BAZ2B: variants seen among roughly 807,000 people sequenced by gnomAD.
BAZ2B encodes bromodomain adjacent to zinc finger domain protein 2B.
In BAZ2B, 91 loss-of-function variants were observed where a neutral mutation model predicts 246.0. The observed-to-expected ratio is 0.37, with a 90% CI of 0.31 to 0.44. BAZ2B has a LOEUF of 0.44. Ranked by LOEUF, BAZ2B falls within the 20% of genes least tolerant of loss-of-function variation. BAZ2B has a pLI of 1.00. For synonymous variants in BAZ2B, 855 were observed against 860.0 expected, an observed-to-expected ratio of 0.99 and a Z score of 0.10; for missense variants, 2,332 against 2,533.7, an observed-to-expected ratio of 0.92 and a Z score of 1.71.
rs775570448 is a variant in BAZ2B at position 159,332,736 on chromosome 2, A to T, written c.5797-50T>A. 7 of 1,588,456 alleles carry T rather than the reference A, an allele frequency of 4.4e-6. No homozygotes were observed. The East Asian group carries it at 1.6e-4, about 36-fold the overall frequency. ...AAATTAACGCTCTGCCATGAATAAT[A>T]GTTATTGGGATGTTAAACACACCAT... is the stretch of plus-strand genomic sequence containing the variant. On this transcript the variant is annotated intron_variant, in intron 33 of 36. Transcript: ENST00000392783.
chr2:159,580,175 G>A (rs1221318938), intron 1 of BAZ2B, among the ~76,000 whole-genome samples: 5 of 152,238 alleles, frequency 3.3e-5, no homozygotes, highest in South Asian at 2.1e-4. Flanking sequence ...AAACCCCATC[G>A]TCTCAGCCCA....
chr2:159,410,333 C>T (rs1425804789), intron 14 of BAZ2B, among the ~76,000 whole-genome samples: 3 of 152,152 alleles, frequency 2.0e-5, no homozygotes, highest in Non-Finnish European at 4.4e-5. Flanking sequence ...GCTCTGTGTT[C>T]GTACCCAAAT....
the BAZ2B span, among the ~76,000 whole-genome samples, chr2:159,704,107 C>G: frequency 6.6e-6 from 1 of 152,130 alleles, no homozygotes; most frequent in African/African-American, 2.4e-5. Flanking sequence ...TGCTTGCTGT[C>G]AAGAGCACTG....
chr2:159,511,396 G>C (rs188333945), intron 2 of BAZ2B, among the ~76,000 whole-genome samples: 178 of 152,168 alleles, frequency 1.2e-3, no homozygotes, highest in Non-Finnish European at 1.9e-3. Context: ...AGTAGAGATG[G>C]GGTTTCATCA....
chr2:159,560,023 A>G (rs2089665548), intron 1 of BAZ2B, among the ~76,000 whole-genome samples: 1 of 152,160 alleles, frequency 6.6e-6, no homozygotes, highest in Admixed American at 6.5e-5. Context: ...ATGCAATCCT[A>G]TGAGTATTTT....
At chr2:159,441,989 A>G (rs2216543) in intron 6 of BAZ2B, among the ~76,000 whole-genome samples, 68,818 of 152,094 alleles carry the variant, frequency 0.45, 17,134 homozygotes, top group Middle Eastern at 0.59. Flanking sequence ...ATAGTTGCTC[A>G]AGTCTCTGGG....
At chr2:159,681,198 T>C in the BAZ2B span, among the ~76,000 whole-genome samples, 1 of 151,968 alleles carries the variant, frequency 6.6e-6, no homozygotes, top group Admixed American at 6.6e-5. Context: ...TAAGAGAAAA[T>C]TACCGTAAGA....
Position 159,432,788 on chromosome 2 carries a change from A to G in BAZ2B, c.1869T>C (p.Asp623=), listed in dbSNP as rs758817925. 1 of 1,613,180 alleles carries G rather than the reference A, an allele frequency of 6.2e-7. No individual in the cohort carries two copies. Among genetic ancestry groups the G allele is most frequent in the South Asian group, 1.1e-5 (1 of 91,056 alleles). The change falls in exon 9 of 37, where the codon GAT becomes GAC. Residue 623 remains aspartate (D), a synonymous_variant. Transcript: ENST00000392783. The stretch of plus-strand genomic sequence containing the variant: ...GGCTGTCATCAGATTCATCATCTTC[A>G]TCATCTTCCTCATCTTCTTCTTCAT... ...EDDEEEDEED[D]EDDESDDSQS...
intron 2 of BAZ2B, among the ~76,000 whole-genome samples, chr2:159,491,091 A>G (rs906662628): frequency 6.6e-6 from 1 of 152,104 alleles, no homozygotes; most frequent in Non-Finnish European, 1.5e-5. Context: ...TACCTGTTTA[A>G]TATGTCTGAG....
At chr2:159,315,839 G>A (rs930515005), downstream of BAZ2B, among the ~76,000 whole-genome samples, 1 of 152,130 alleles carries the variant, frequency 6.6e-6, no homozygotes, top group Admixed American at 6.5e-5. Flanking sequence ...CAGTGACAAT[G>A]AGTTGCAGGC....
chr2:159,390,989 T>A (rs111403611), intron 20 of BAZ2B, among the ~76,000 whole-genome samples: 2,101 of 152,250 alleles, frequency 0.014, 25 homozygotes, highest in Middle Eastern at 0.027. Context: ...GTTAATAGCC[T>A]GAAGTACTAT....
intron 13 of BAZ2B, among the ~76,000 whole-genome samples, chr2:159,421,709 T>A (rs946097910): frequency 1.3e-5 from 2 of 152,028 alleles, no homozygotes; most frequent in Non-Finnish European, 2.9e-5. Flanking sequence ...CCCAGAAATA[T>A]CTTGAATCAA....
the BAZ2B span, among the ~76,000 whole-genome samples, chr2:159,645,662 C>T: frequency 4.6e-5 from 7 of 152,116 alleles, no homozygotes; most frequent in South Asian, 2.1e-4. Context: ...CCGATAGTCA[C>T]GTAGGTTCTT....
chr2:159,395,787 T>C lies in BAZ2B; in HGVS notation c.3057A>G (p.Glu1019=), dbSNP rs1453280467. ...CACTTACTTCTGCTTTTTTACGAGC[T>C]TCCATAGCTTTCATAAGCATCATGT... The part of the protein sequence containing the change: ...RQHMMLMKAM[E]ARKKAEEKER... Residue 1019 remains glutamate, a synonymous_variant, in exon 20 of 37, where the codon GAA becomes GAG. Transcript: ENST00000392783. The C allele has an allele frequency of 3.1e-6, 5 of 1,611,068 alleles. No homozygotes were observed. The Middle Eastern group carries it at 6.6e-4, about 212-fold the overall frequency.
chr2:159,578,019 CA>C (rs1309687560), intron 1 of BAZ2B, among the ~76,000 whole-genome samples: 2 of 152,058 alleles, frequency 1.3e-5, no homozygotes, highest in African/African-American at 4.8e-5. Context: ...CACCTGCTGA[CA>C]AAAAGAAAAA....
chr2:159,605,911 G>A (rs1047606837), intron 1 of BAZ2B, among the ~76,000 whole-genome samples: 1 of 152,140 alleles, frequency 6.6e-6, no homozygotes, highest in Non-Finnish European at 1.5e-5. Flanking sequence ...CAGGCTTCCT[G>A]CAGCGGGAAG....
intron 1 of BAZ2B, among the ~76,000 whole-genome samples, chr2:159,560,641 C>A (rs2089745357): frequency 6.6e-6 from 1 of 151,630 alleles, no homozygotes; most frequent in African/African-American, 2.4e-5. Context: ...GCGATCTCTG[C>A]CTCAGCCTCC....
intron 10 of BAZ2B, among the ~76,000 whole-genome samples, chr2:159,430,234 G>A (rs946598987): frequency 6.6e-6 from 1 of 152,092 alleles, no homozygotes; most frequent in African/African-American, 2.4e-5. Context: ...GAAACAGCAA[G>A]ACCAATCCTT....
At chr2:159,337,432 T>C in intron 32 of BAZ2B, 135 bp downstream of exon 32, 3 of 1,558,508 alleles carry the variant, frequency 1.9e-6, no homozygotes, top group South Asian at 1.2e-5. Flanking sequence ...AGAAGCACAA[T>C]AATTTTTCAA....
Sources: gnomAD v4.1 joint callset for allele counts (sites outside exome capture counted in the v4.1 genomes callset) on GRCh38, gnomAD v4.1.1 for gene constraint, MANE v1.5 for transcripts, NCBI Gene and HGNC (gene_info 2026-07-23, HGNC 2026-07-21) for gene names.